The following THAP4 variants were observed in gnomAD, a reference collection of about 807,000 sequenced individuals.
THAP4 encodes the protein THAP domain containing 4.
Under a neutral mutation model 48.1 loss-of-function variants are expected in THAP4, and 18 were observed. The ratio of observed to expected loss-of-function variants is 0.37; its 90% confidence interval spans 0.26 to 0.56. The LOEUF is 0.56. Among genes scored for constraint, THAP4 ranks in the 20% least tolerant of loss-of-function variants. The pLI is 0.78. For missense variants in THAP4, 656 were observed against 774.9 expected, an observed-to-expected ratio of 0.85 and a Z score of 1.82; for synonymous variants, 345 against 324.9, an observed-to-expected ratio of 1.06 and a Z score of -0.66.
intron 3 of THAP4, 101 bp downstream of exon 3, chr2:241,606,212 CA>C: frequency 8.8e-7 from 1 of 1,142,110 alleles, no homozygotes; most frequent in Non-Finnish European, 1.2e-6. Context: ...GTTCCTTTTA[CA>C]CCTTCCTGCT....
chr2:241,600,390 G>T (rs572205132), intron 5 of THAP4, among the ~76,000 whole-genome samples: 5 of 151,990 alleles, frequency 3.3e-5, no homozygotes, highest in African/African-American at 7.3e-5. Flanking sequence ...AGAGATTAAA[G>T]GTCTAGGTGG....
At chr2:241,628,995 C>G (rs2067527358) in intron 2 of THAP4, among the ~76,000 whole-genome samples, 1 of 140,638 alleles carries the variant, frequency 7.1e-6, no homozygotes, top group South Asian at 2.2e-4. Context: ...ATACAGCAAA[C>G]AATGGTAAAT....
At chr2:241,597,098 CA>C (rs1350683616) in intron 5 of THAP4, among the ~76,000 whole-genome samples, 2 of 152,174 alleles carry the variant, frequency 1.3e-5, no homozygotes, top group African/African-American at 4.8e-5. Flanking sequence ...GCCTGACCAT[CA>C]TAAGTGGGGT....
rs534527785 is a variant in THAP4, at chr2:241,636,359, C to CT, written c.77+581dup. Reference sequence around the variant, plus strand: ...CTGAAATAGGCTGAACTCACAAGGCCTTAGAGGGGTTTGGGCCCTGCCGCG... The same window carrying CT: ...CTGAAATAGGCTGAACTCACAAGGCCTTTAGAGGGGTTTGGGCCCTGCCGCG... On this transcript the variant is annotated intron_variant, in intron 1 of 5. Transcript: ENST00000407315. 9.8e-5 allele frequency among the ~76,000 whole-genome samples: 15 copies of CT among 152,336 alleles called. No homozygotes were observed. The East Asian group carries it at 2.9e-3, about 29-fold the overall frequency.
In THAP4 at chr2:241,615,834, A is replaced by G. The variant is rs571197587; in HGVS notation, c.1241-9361T>C. ...CCACCCAGCACATCCCCGTGCCCCA[A>G]GCCCACGGTTCCCGACACATCAGGA... is the stretch of plus-strand genomic sequence containing the variant. On this transcript the variant is annotated intron_variant, in intron 2 of 5. Coordinates refer to ENST00000407315, the MANE Select transcript of THAP4 (RefSeq NM_015963.6). Among the ~76,000 whole-genome samples the G allele has an allele frequency of 1.8e-4, 27 of 152,280 alleles. 1 individual carries two copies. In the East Asian group the frequency reaches 5.0e-3, roughly 28 times the overall value.
chr2:241,586,262 G>GGAAAAAAAAAAAAAAAAA (rs2066895627), intron 5 of THAP4, among the ~76,000 whole-genome samples: 1 of 83,988 alleles, frequency 1.2e-5, no homozygotes, highest in African/African-American at 4.5e-5. Flanking sequence ...ATCTGAAGAG[G>GGAAAAAAAAAAAAAAAAA]AAAAAAAAAA....
At chr2:241,593,573 TA>T (rs11284075) in intron 5 of THAP4, among the ~76,000 whole-genome samples, 28,401 of 152,220 alleles carry the variant, frequency 0.19, 3,284 homozygotes, top group African/African-American at 0.31. Context: ...CAGCCTGCCT[TA>T]ACACCCCACA....
At chr2:241,589,761 G>A (rs780251398) in intron 5 of THAP4, among the ~76,000 whole-genome samples, 1 of 152,072 alleles carries the variant, frequency 6.6e-6, no homozygotes, top group Non-Finnish European at 1.5e-5. Context: ...CTAATAGCCC[G>A]GAACTGGAAA....
chr2:241,603,576 C>A (rs980905010), intron 3 of THAP4, among the ~76,000 whole-genome samples: 3 of 152,194 alleles, frequency 2.0e-5, no homozygotes, highest in African/African-American at 7.2e-5. Context: ...CTGAAGACAG[C>A]ACTGTTCTTA....
chr2:241,626,379 T>A (rs977568895), intron 2 of THAP4, among the ~76,000 whole-genome samples: 4 of 151,996 alleles, frequency 2.6e-5, no homozygotes, highest in Non-Finnish European at 5.9e-5. Flanking sequence ...AGTCGGAGGT[T>A]GCAGTGAGCC....
At chr2:241,592,737 G>A (rs905915805) in intron 5 of THAP4, among the ~76,000 whole-genome samples, 3 of 152,200 alleles carry the variant, frequency 2.0e-5, no homozygotes, top group Non-Finnish European at 2.9e-5. Context: ...GGGAAAAACC[G>A]GGTGCTTCTG....
Position 241,633,154 on chromosome 2 carries a change from C to T in THAP4, c.1003G>A (p.Ala335Thr). Residue 335 changes from alanine (A) to threonine (T), a missense_variant, in exon 2 of 6, where the codon GCG becomes ACG. Ala to Thr is a moderately conservative substitution (Grantham distance 58). Coordinates refer to ENST00000407315, the MANE Select transcript of THAP4 (RefSeq NM_015963.6). This position sits in a 1 kb window ranked among gnomAD's most constrained non-coding sequence, Gnocchi z 7.5. ...TCGATGAGCTTGCAGGCCCCTGACGCCGACAGGATGACCTCGTTGATGGAC... is the reference window on the plus strand; with the variant it reads ...TCGATGAGCTTGCAGGCCCCTGACGTCGACAGGATGACCTCGTTGATGGAC... The part of the protein sequence containing the change: ...PMSINEVILS[A>T]SGACKLIDSL... 6.2e-7 allele frequency: 1 copy of T among 1,609,600 alleles called. No individual in the cohort carries two copies.
At chr2:241,594,635 G>A in intron 5 of THAP4, 1 of 300,590 alleles carries the variant, frequency 3.3e-6, no homozygotes, top group Non-Finnish European at 6.6e-6. Flanking sequence ...GTGCATACCT[G>A]TGGCCCCAGC....
rs528000630 is a variant in THAP4, at chr2:241,612,058, A to C, written c.1241-5585T>G. Among the ~76,000 whole-genome samples, 62 of 152,304 alleles carry C rather than the reference A, an allele frequency of 4.1e-4. No individual in the cohort carries two copies. The highest frequency in any genetic ancestry group is 5.7e-4 in the Non-Finnish European group (39 of 68,024). ...GTTGAATGAAGCTGCTCCATGAAGA[A>C]AGACCACTAACTAAACATGTAAGAA... On this transcript the variant is annotated intron_variant, in intron 2 of 5. Transcript: ENST00000407315. The surrounding 1 kb of genome is among the most constrained non-coding windows in gnomAD (Gnocchi z 4.1).
At chr2:241,587,356 C>T (rs533535259) in intron 5 of THAP4, among the ~76,000 whole-genome samples, 4 of 152,214 alleles carry the variant, frequency 2.6e-5, no homozygotes, top group African/African-American at 9.6e-5. Context: ...TTTGGACTCC[C>T]AGATGTCACC....
At chr2:241,620,591 G>A (rs2067417582) in intron 2 of THAP4, among the ~76,000 whole-genome samples, 1 of 146,520 alleles carries the variant, frequency 6.8e-6, no homozygotes, top group African/African-American at 2.5e-5. Context: ...GGGGTGAAGG[G>A]TGAGTGAGTC....
At chr2:241,622,019 T>G (rs557646851) in intron 2 of THAP4, among the ~76,000 whole-genome samples, 3 of 151,944 alleles carry the variant, frequency 2.0e-5, no homozygotes, top group African/African-American at 7.2e-5. Context: ...AAAGGAGAAG[T>G]AAAGAACTTA....
Position 241,637,057 on chromosome 2 carries a change from T to C in THAP4, c.-40A>G. 8.8e-7 allele frequency: 1 copy of C among 1,135,604 alleles called. No individual in the cohort carries two copies. The highest frequency in any genetic ancestry group is 1.1e-6 in the Non-Finnish European group (1 of 916,830). The allele number at this position is 1,135,604 out of a possible 1,614,324, so 70.3% of individuals were successfully genotyped here. The stretch of plus-strand genomic sequence containing the variant: ...CAGCCGCGCAGCCAGGCCCCGGCCC[T>C]AGCCGCCCGCCCGCCCGCGGACCGC... On this transcript the variant is annotated 5_prime_UTR_variant, in exon 1 of 6. Coordinates refer to ENST00000407315, the MANE Select transcript of THAP4 (RefSeq NM_015963.6).
chr2:241,617,607 A>G (rs1267355164), intron 2 of THAP4: 9 of 705,294 alleles, frequency 1.3e-5, no homozygotes, highest in Middle Eastern at 2.5e-4. Context: ...AGACAATGAC[A>G]GCCCAGATCA....
Sources: allele counts gnomAD v4.1 joint callset (sites outside exome capture counted in the v4.1 genomes callset), GRCh38; gene constraint gnomAD v4.1.1; non-coding constraint Gnocchi (gnomAD v3.1); transcripts MANE v1.5; gene names NCBI Gene and HGNC (gene_info 2026-07-23, HGNC 2026-07-21).